IL13RA2: variants seen among roughly 807,000 people sequenced by gnomAD.
The protein encoded by IL13RA2 is interleukin-13 receptor subunit alpha-2.
A neutral mutation model predicts 34.1 loss-of-function variants in IL13RA2; 25 were observed. The ratio of observed to expected loss-of-function variants is 0.73; its 90% CI spans 0.53 to 1.03. The LOEUF is 1.03. IL13RA2 is among the 50% of genes least tolerant of loss of function. IL13RA2 has a pLI of 0.00. For missense variants in IL13RA2, 297 were observed against 280.9 expected (o/e 1.06, Z -0.41); for synonymous variants, 106 against 100.4 (o/e 1.06, Z -0.33).
chrX:115,015,731 A>T lies in IL13RA2; in HGVS notation c.185T>A (p.Phe62Tyr). ...QWQPPLSLDH[F>Y]KECTVEYELK... Reference sequence around the variant, plus strand: ...TTCATATTCCACTGTGCATTCCTTAAAATGATCCAGAGACAGTGGGGGTTG... The same window carrying T: ...TTCATATTCCACTGTGCATTCCTTATAATGATCCAGAGACAGTGGGGGTTG... Residue 62 changes from phenylalanine to tyrosine, a missense_variant, in exon 3 of 10, where the codon TTT becomes TAT. Phe to Tyr is a conservative substitution (Grantham distance 22). Transcript: ENST00000243213. 1 of 1,196,583 alleles carries T rather than the reference A, an allele frequency of 8.4e-7. No homozygotes were observed. The highest frequency in any genetic ancestry group is 2.3e-4 in the Middle Eastern group (1 of 4,308).
In IL13RA2 at chrX:115,005,245, T is replaced by A; in HGVS notation, c.1068A>T (p.Ile356=). The A allele has an allele frequency of 8.7e-7, 1 of 1,145,970 alleles. No individual in the cohort carries two copies. The highest frequency in any genetic ancestry group is 1.2e-6 in the Non-Finnish European group (1 of 835,405). 94.4% of individuals were successfully genotyped at this position (1,145,970 alleles called of 1,213,427 possible). ...LPFGFILILV[I]FVTGLLLRKP... ...TACGCAAAAGCAGACCGGTTACAAATATAACTAATATTAAGATGAAACCAA... is the reference window on the plus strand; with the variant it reads ...TACGCAAAAGCAGACCGGTTACAAAAATAACTAATATTAAGATGAAACCAA... The change falls in exon 9 of 10, where the codon ATA becomes ATT. Residue 356 remains isoleucine (I), a synonymous_variant. Coordinates refer to ENST00000243213, the MANE Select transcript of IL13RA2 (RefSeq NM_000640.3).
intron 9 of IL13RA2, among the ~76,000 whole-genome samples, chrX:115,004,523 C>T (rs2071677418): frequency 9.3e-6 from 1 of 108,009 alleles, no homozygotes. Flanking sequence ...AGGAGGATTG[C>T]TTGAGCCCTA....
At chrX:115,017,024 A>G in intron 2 of IL13RA2, 152 bp downstream of exon 2, 1 of 422,900 alleles carries the variant, frequency 2.4e-6, no homozygotes, top group Non-Finnish European at 4.1e-6. Context: ...GCTTTTTTTC[A>G]TGAACTTCCT....
intron 5 of IL13RA2, among the ~76,000 whole-genome samples, chrX:115,012,787 A>C (rs947196440): frequency 8.2e-5 from 9 of 109,113 alleles, no homozygotes; most frequent in East Asian, 2.8e-4. Flanking sequence ...CAAAAAAAAA[A>C]ACAAAGTAAT....
intron 5 of IL13RA2, 43 bp downstream of exon 5, chrX:115,013,726 T>C (rs782285222): frequency 6.8e-6 from 5 of 735,735 alleles, no homozygotes; most frequent in South Asian, 2.3e-5. Context: ...CTAACTTGAG[T>C]AGACATTTTT....
intron 3 of IL13RA2, among the ~76,000 whole-genome samples, chrX:115,015,268 C>T (rs1299964179): frequency 6.3e-5 from 7 of 111,405 alleles, no homozygotes; most frequent in South Asian, 3.7e-4. Context: ...TCCTGCGACC[C>T]TCTGTGGGAA....
chrX:115,017,076 A>G (rs2071731015), intron 2 of IL13RA2, 100 bp downstream of exon 2: 2 of 515,217 alleles, frequency 3.9e-6, no homozygotes, highest in Admixed American at 6.4e-5. Context: ...TTAGTTATGC[A>G]CTTCCATAAG....
chrX:115,007,836 A>G, intron 8 of IL13RA2, 96 bp downstream of exon 8: 2 of 552,467 alleles, frequency 3.6e-6, no homozygotes, highest in African/African-American at 4.6e-5. Context: ...CTATATGGGA[A>G]AGTCCTTCAC....
In IL13RA2 at chrX:115,010,547, C is replaced by T. The variant is rs782399936; in HGVS notation, c.706+97G>A. On this transcript the variant is annotated intron_variant, in intron 6 of 9. Transcript: ENST00000243213. ...TCTCTCTCTGTCTATGTCTCTCTCT[C>T]CTTCCTCCCCTTTTTCTCTCTCTCA... is the stretch of plus-strand genomic sequence containing the variant. The T allele has an allele frequency of 1.2e-3, 531 of 443,846 alleles. 2 individuals are homozygous for T. The highest frequency in any genetic ancestry group is 1.6e-3 in the Non-Finnish European group (419 of 257,545). The allele number at this position is 443,846 out of a possible 1,213,427, so 36.6% of individuals were successfully genotyped here. A position where few individuals can be genotyped will look rare whatever the true frequency, so the allele number is the denominator to read the frequency against.
rs370125003 is a variant in IL13RA2, at chrX:115,014,368, C to A, written c.400+53G>T. The stretch of plus-strand genomic sequence containing the variant: ...GTACATAAGATTAAGGGACTTATTC[C>A]CAAATGAATTGTTCTGATAGTATTA... On this transcript the variant is annotated intron_variant, in intron 4 of 9. Transcript: ENST00000243213. 2.6e-4 allele frequency: 243 copies of A among 937,195 alleles called. No homozygotes were observed. In the African/African-American group the frequency reaches 4.5e-3, roughly 17 times the overall value. 77.2% of individuals were successfully genotyped at this position (937,195 alleles called of 1,213,427 possible). A position where few individuals can be genotyped will look rare whatever the true frequency, so the allele number is the denominator to read the frequency against.
In IL13RA2 at chrX:115,017,305, A is replaced by G. The variant is rs1355338506; in HGVS notation, c.-33-3T>C. ...TTTAAAACCTTGATATTGCCTCTCTATGAAGGAAAAATATAACATTTTAAC... is the reference window on the plus strand; with the variant it reads ...TTTAAAACCTTGATATTGCCTCTCTGTGAAGGAAAAATATAACATTTTAAC... On this transcript the variant is annotated splice_region_variant and splice_polypyrimidine_tract_variant and intron_variant, in intron 1 of 9. Coordinates refer to ENST00000243213, the MANE Select transcript of IL13RA2 (RefSeq NM_000640.3). 9 of 616,630 alleles carry G rather than the reference A, an allele frequency of 1.5e-5. No individual in the cohort carries two copies. Among genetic ancestry groups the G allele is most frequent in the Non-Finnish European group, 2.5e-5 (9 of 361,025 alleles). The allele number at this position is 616,630 out of a possible 1,213,427, so 50.8% of individuals were successfully genotyped here.
intron 5 of IL13RA2, 103 bp from the exon 6 acceptor site, chrX:115,010,931 T>A: frequency 5.1e-6 from 2 of 392,018 alleles, no homozygotes; most frequent in Admixed American, 8.8e-5. Flanking sequence ...AGTTTAAAAA[T>A]CATTTAATAA....
chrX:115,014,823 GA>G (rs782743711), intron 3 of IL13RA2, among the ~76,000 whole-genome samples: 3 of 109,051 alleles, frequency 2.8e-5, no homozygotes, highest in Admixed American at 1.9e-4. Flanking sequence ...TTTTGGAAGG[GA>G]AAAAAAACTT....
chrX:115,007,243 T>C (rs1383939960), intron 8 of IL13RA2, among the ~76,000 whole-genome samples: 1 of 112,098 alleles, frequency 8.9e-6, no homozygotes, highest in Non-Finnish European at 1.9e-5. Flanking sequence ...TTGATAGATA[T>C]GGCAGTATCT....
At chrX:115,012,792 A>G (rs1276308774) in intron 5 of IL13RA2, among the ~76,000 whole-genome samples, 1 of 111,041 alleles carries the variant, frequency 9.0e-6, no homozygotes, top group African/African-American at 3.3e-5. Flanking sequence ...AAAAAAACAA[A>G]GTAATAGCTC....
At position 115,005,323 on chromosome X, in the gene IL13RA2, T is replaced by TA. The variant is rs782506562; in HGVS notation, c.998-9dup. 39 of 803,946 alleles carry TA rather than the reference T, an allele frequency of 4.9e-5. No individual in the cohort carries two copies. In the South Asian group the frequency reaches 7.5e-4, roughly 16 times the overall value. 66.3% of individuals were successfully genotyped at this position (803,946 alleles called of 1,213,427 possible). A position where few individuals can be genotyped will look rare whatever the true frequency, so the allele number is the denominator to read the frequency against. ...TCTTCGATAGGTCTTCACCTAGGAT[T>TA]AAAAATCACACGGAAAGGGGAAGTG... On this transcript the variant is annotated splice_polypyrimidine_tract_variant and intron_variant, in intron 8 of 9. Transcript: ENST00000243213.
chrX:115,013,479 G>A (rs1436312883), intron 5 of IL13RA2, among the ~76,000 whole-genome samples: 1 of 111,343 alleles, frequency 9.0e-6, no homozygotes, highest in Non-Finnish European at 1.9e-5. Flanking sequence ...TATAAAATAT[G>A]TCAAAATTGT....
Position 115,009,671 on chromosome X carries a change from A to G in IL13RA2, c.707-5T>C. ...AGACTGGCGGCAAAGGTTTAACTGA[A>G]AAGCAAAAGAGAACCATTTCAACAC... On this transcript the variant is annotated splice_region_variant and splice_polypyrimidine_tract_variant and intron_variant, in intron 6 of 9. Transcript: ENST00000243213. The G allele has an allele frequency of 8.3e-7, 1 of 1,204,029 alleles. No individual in the cohort carries two copies. Among genetic ancestry groups the G allele is most frequent in the Non-Finnish European group, 1.1e-6 (1 of 888,902 alleles).
intron 8 of IL13RA2, among the ~76,000 whole-genome samples, chrX:115,006,042 C>T (rs955227682): frequency 9.0e-6 from 1 of 111,692 alleles, no homozygotes; most frequent in South Asian, 3.8e-4. Flanking sequence ...TCTCTTGATC[C>T]CACCTTTTTC....
Sources: gnomAD v4.1 joint callset for allele counts (sites outside exome capture counted in the v4.1 genomes callset) on GRCh38, gnomAD v4.1.1 for gene constraint, MANE v1.5 for transcripts, NCBI Gene and HGNC (gene_info 2026-07-23, HGNC 2026-07-21) for gene names.